Variants in RGMA observed in about 807,000 individuals in gnomAD.
RGMA encodes the protein repulsive guidance molecule A.
RGMA carries 10 observed loss-of-function variants against 23.2 expected under a neutral mutation model. The ratio of observed to expected loss-of-function variants is 0.43; its 90% CI spans 0.27 to 0.73. The LOEUF is 0.73. Among genes scored for constraint, RGMA ranks in the 30% least tolerant of loss-of-function variants. RGMA has a pLI of 0.20. For synonymous variants in RGMA, 308 were observed against 279.3 expected, an observed-to-expected ratio of 1.10 and a Z score of -1.03; for missense variants, 547 against 630.5, an observed-to-expected ratio of 0.87 and a Z score of 1.42.
intron 2 of RGMA, among the ~76,000 whole-genome samples, chr15:93,067,300 G>T (rs1895189356): frequency 6.6e-6 from 1 of 152,062 alleles, no homozygotes; most frequent in Admixed American, 6.6e-5. Flanking sequence ...AAAATCCTGT[G>T]GTCTTTGCCC....
chr15:93,045,296 G>A lies in RGMA; in HGVS notation c.1055C>T (p.Pro352Leu). The change falls in exon 4 of 4, where the codon CCC becomes CTC. Residue 352 changes from proline (P) to leucine (L), a missense_variant. Around this residue, in one of 3 missense-constraint regions of RGMA, gnomAD observed 205 missense variants for 204.1 expected, o/e 1.00. Transcript: ENST00000329082. The surrounding 1 kb of genome is among the most constrained non-coding windows in gnomAD (Gnocchi z 6.9). ...GGCTGTCTCGTATGGGAAGGTCTCG[G>A]GGGCTGTGGGTGCAGGGCTGGCGGC... ...LAAASPAPTA[P>L]ETFPYETAVA... is the part of the protein sequence containing the mutation. 1 of 1,612,764 alleles carries A rather than the reference G, an allele frequency of 6.2e-7. No homozygotes were observed. The highest frequency in any genetic ancestry group is 8.5e-7 in the Non-Finnish European group (1 of 1,179,698).
At chr15:93,061,439 C>T (rs1467275719) in intron 2 of RGMA, among the ~76,000 whole-genome samples, 1 of 152,204 alleles carries the variant, frequency 6.6e-6, no homozygotes, top group African/African-American at 2.4e-5. Flanking sequence ...CATGAGCCAC[C>T]ACGCCTGGCC....
At chr15:93,062,249 G>A (rs1397655953) in intron 2 of RGMA, among the ~76,000 whole-genome samples, 4 of 152,182 alleles carry the variant, frequency 2.6e-5, no homozygotes, top group Non-Finnish European at 4.4e-5. Context: ...TGTGATTAAT[G>A]CTGTTTCTGG....
chr15:93,065,530 T>C (rs974463510), intron 2 of RGMA: 20 of 646,712 alleles, frequency 3.1e-5, no homozygotes, highest in African/African-American at 9.1e-5. Context: ...TACAGGTCAG[T>C]TGGAAAAACT....
intron 1 of RGMA, 55 bp from the exon 2 acceptor site, chr15:93,073,086 GCAGC>G: frequency 6.8e-7 from 1 of 1,475,044 alleles, no homozygotes; most frequent in Non-Finnish European, 9.0e-7. Context: ...CGAAGAAAGG[GCAGC>G]CTCGCTCCGC....
At chr15:93,067,803 G>A (rs188346226) in intron 2 of RGMA, among the ~76,000 whole-genome samples, 5 of 152,330 alleles carry the variant, frequency 3.3e-5, no homozygotes, top group East Asian at 3.9e-4. Context: ...AGCAGGCCAT[G>A]AGCAGCCATG....
Position 93,072,982 on chromosome 15 carries a change from C to G in RGMA, c.64G>C (p.Gly22Arg). Residue 22 changes from glycine to arginine, a missense_variant, in exon 2 of 4, where the codon GGG (glycine) becomes CGG (arginine). Coordinates refer to ENST00000329082, the MANE Select transcript of RGMA (RefSeq NM_020211.3). Reference sequence around the variant, plus strand: ...AATCCCAGGGCTGAACGTCCTGCCCCTCTCCCCATACCCATCCATCCAGCT... The same window carrying G: ...AATCCCAGGGCTGAACGTCCTGCCCGTCTCCCCATACCCATCCATCCAGCT... ...GRAGWMGMGR[G>R]AGRSALGFWP... is the part of the protein sequence containing the mutation. 6.2e-7 allele frequency: 1 copy of G among 1,611,668 alleles called. No homozygotes were observed.
At chr15:93,052,894 G>A (rs2054951782) in intron 2 of RGMA, among the ~76,000 whole-genome samples, 1 of 152,210 alleles carries the variant, frequency 6.6e-6, no homozygotes, top group African/African-American at 2.4e-5. Context: ...CAGGAATCTG[G>A]CAGGGAATTG....
In RGMA at chr15:93,045,805, T is replaced by C. The variant is rs1422301210; in HGVS notation, c.646-100A>G. 5.9e-6 allele frequency: 5 copies of C among 843,618 alleles called. No individual in the cohort carries two copies. The highest frequency in any genetic ancestry group is 3.2e-5 in the South Asian group (2 of 62,410). 52.3% of individuals were successfully genotyped at this position (843,618 alleles called of 1,614,324 possible). ...TAGACTGAGAGGAGGGCAGGAAGGA[T>C]CCCCAGGGATGCCCCAGACACTCCC... On this transcript the variant is annotated intron_variant, in intron 3 of 3. Transcript: ENST00000329082. This position sits in a 1 kb window ranked among gnomAD's most constrained non-coding sequence, Gnocchi z 6.9.
chr15:93,072,822 G>T, intron 2 of RGMA, 94 bp downstream of exon 2: 1 of 1,361,980 alleles, frequency 7.3e-7, no homozygotes, highest in Non-Finnish European at 1.0e-6. Flanking sequence ...GAGGTCCGGA[G>T]AACTTGAGCC....
At chr15:93,064,622 T>TG (rs1236341101) in intron 2 of RGMA, among the ~76,000 whole-genome samples, 1 of 152,246 alleles carries the variant, frequency 6.6e-6, no homozygotes, top group African/African-American at 2.4e-5. Flanking sequence ...AGGGAGCAAC[T>TG]GGGCTTCCTT....
chr15:93,060,825 C>T (rs1190124005), intron 2 of RGMA, among the ~76,000 whole-genome samples: 3 of 152,384 alleles, frequency 2.0e-5, no homozygotes, highest in African/African-American at 7.2e-5. Flanking sequence ...CCCTCCTGCT[C>T]TGGACAGCTC....
At chr15:93,067,752 C>T (rs1165494915) in intron 2 of RGMA, among the ~76,000 whole-genome samples, 1 of 152,074 alleles carries the variant, frequency 6.6e-6, no homozygotes, top group Non-Finnish European at 1.5e-5. Context: ...TGGGAAAAGT[C>T]GGGGGCCGGG....
rs2054755842 is a variant in RGMA, at chr15:93,043,424, A to C, written c.*1574T>G. The C allele has an allele frequency of 1.3e-5, 2 of 152,598 alleles. No homozygotes were observed. Among genetic ancestry groups the C allele is most frequent in the South Asian group, 4.1e-4 (2 of 4,832 alleles). 9.5% of individuals were successfully genotyped at this position (152,598 alleles called of 1,614,324 possible). On this transcript the variant is annotated 3_prime_UTR_variant, in exon 4 of 4. Transcript: ENST00000329082. ...ACACGTCTAAAAGAAAATAACAAAA[A>C]AACCAAACTTTACTTGCATTTAGCC...
At chr15:93,075,842 G>A (rs1895465505) in intron 1 of RGMA, among the ~76,000 whole-genome samples, 1 of 152,156 alleles carries the variant, frequency 6.6e-6, no homozygotes, top group Non-Finnish European at 1.5e-5. Flanking sequence ...CTTTCTTGAG[G>A]AGAAATGTCT....
At chr15:93,059,296 C>T (rs960370512) in intron 2 of RGMA, among the ~76,000 whole-genome samples, 2 of 152,188 alleles carry the variant, frequency 1.3e-5, no homozygotes, top group Non-Finnish European at 2.9e-5. Context: ...GAAGCTTAAT[C>T]GATTCCGGGC....
Position 93,036,891 on chromosome 15 carries a change from C to T in RGMA, c.*8107G>A, listed in dbSNP as rs2054667224. On this transcript the variant is annotated 3_prime_UTR_variant, in exon 4 of 4. Transcript: ENST00000329082. ...TGTAAACCAGGGCAATATCTGCTTT[C>T]TAGGGTTTTTGTGAAATTTGACAAA... The T allele has an allele frequency of 6.6e-6, 1 of 152,230 alleles. No homozygotes were observed. Among genetic ancestry groups the T allele is most frequent in the South Asian group, 2.1e-4 (1 of 4,832 alleles). 9.4% of individuals were successfully genotyped at this position (152,230 alleles called of 1,614,324 possible). A position where few individuals can be genotyped will look rare whatever the true frequency, so the allele number is the denominator to read the frequency against.
At chr15:93,059,626 G>A (rs1158442516) in intron 2 of RGMA, among the ~76,000 whole-genome samples, 1 of 152,120 alleles carries the variant, frequency 6.6e-6, no homozygotes, top group Non-Finnish European at 1.5e-5. Context: ...TTTCCCATGC[G>A]AGGGGCTGGG....
chr15:93,077,883 C>T (rs534313998), intron 1 of RGMA, among the ~76,000 whole-genome samples: 1 of 152,264 alleles, frequency 6.6e-6, no homozygotes, highest in South Asian at 2.1e-4. Flanking sequence ...AATTTTTGTA[C>T]TTTCAGTAGA....
Sources: allele counts gnomAD v4.1 joint callset (sites outside exome capture counted in the v4.1 genomes callset), GRCh38; gene constraint gnomAD v4.1.1; regional missense constraint gnomAD v4.1.1; non-coding constraint Gnocchi (gnomAD v3.1); transcripts MANE v1.5; gene names NCBI Gene and HGNC (gene_info 2026-07-23, HGNC 2026-07-21).